PFDN2: variants seen among roughly 807,000 people sequenced by gnomAD.
The protein encoded by PFDN2 is prefoldin 2.
PFDN2 carries 7 observed loss-of-function variants against 18.3 expected under a neutral mutation model. The observed-to-expected ratio is 0.38, with a 90% CI of 0.22 to 0.72. PFDN2 has a LOEUF of 0.72. Ranked by LOEUF, PFDN2 falls within the 30% of genes least tolerant of loss-of-function variation. The probability of loss-of-function intolerance (pLI) is 0.47; values close to 1 mark genes in which losing one functional copy is unlikely to be tolerated. For synonymous variants in PFDN2, 76 were observed against 75.0 expected (o/e 1.01, Z -0.07); for missense variants, 181 against 199.1 (o/e 0.91, Z 0.55).
intron 1 of PFDN2, among the ~76,000 whole-genome samples, chr1:161,108,097 A>T (rs565510877): frequency 7.1e-4 from 106 of 149,626 alleles, no homozygotes; most frequent in Non-Finnish European, 1.4e-3. Context: ...CCTAGGCAAC[A>T]GAGCGAGACT....
chr1:161,104,300 T>C lies in PFDN2; in HGVS notation c.76-1925A>G, dbSNP rs12023365. On this transcript the variant is annotated intron_variant, in intron 1 of 3. Coordinates refer to ENST00000368010, the MANE Select transcript of PFDN2 (RefSeq NM_012394.4). ...GACTCTCCTGGTCATCTGACAACAG[T>C]GGACTCAATCCATTCAAACCATTAC... 9.6e-4 allele frequency among the ~76,000 whole-genome samples: 146 copies of C among 152,238 alleles called. 2 individuals carry two copies. In the East Asian group the frequency reaches 0.025, roughly 26 times the overall value.
intron 1 of PFDN2, among the ~76,000 whole-genome samples, chr1:161,112,457 A>G (rs1323551027): frequency 6.6e-6 from 1 of 152,190 alleles, no homozygotes; most frequent in East Asian, 1.9e-4. Flanking sequence ...GGGTCTCCCT[A>G]TGCTGCTCAG....
intron 1 of PFDN2, among the ~76,000 whole-genome samples, chr1:161,115,327 G>A (rs59486558): frequency 0.023 from 3,536 of 152,306 alleles, 58 homozygotes; most frequent in African/African-American, 0.038. Context: ...GTATCCCAAA[G>A]TGCTGGGATT....
intron 1 of PFDN2, among the ~76,000 whole-genome samples, chr1:161,113,848 G>C (rs973688575): frequency 6.6e-6 from 1 of 152,210 alleles, no homozygotes; most frequent in Non-Finnish European, 1.5e-5. Context: ...TTGTTTGTAA[G>C]GGACATATGT....
intron 1 of PFDN2, among the ~76,000 whole-genome samples, chr1:161,105,651 G>A (rs1290051042): frequency 2.6e-5 from 4 of 152,092 alleles, no homozygotes; most frequent in South Asian, 4.1e-4. Context: ...AGAGATGGGG[G>A]TTCCACCATA....
At chr1:161,106,141 C>A (rs1654672252) in intron 1 of PFDN2, among the ~76,000 whole-genome samples, 1 of 152,092 alleles carries the variant, frequency 6.6e-6, no homozygotes, top group Non-Finnish European at 1.5e-5. Flanking sequence ...ATGACACCTA[C>A]CCCTCTTTAT....
intron 1 of PFDN2, among the ~76,000 whole-genome samples, chr1:161,117,307 C>T (rs529368883): frequency 6.6e-6 from 1 of 152,336 alleles, no homozygotes; most frequent in African/African-American, 2.4e-5. Flanking sequence ...TCCTCCCACT[C>T]CTATTTTTCC....
At chr1:161,111,878 C>A (rs181483291) in intron 1 of PFDN2, among the ~76,000 whole-genome samples, 8 of 152,210 alleles carry the variant, frequency 5.3e-5, no homozygotes, top group African/African-American at 1.7e-4. Context: ...TTGATATATT[C>A]ATATAATCAA....
At chr1:161,105,086 G>C (rs1296264259) in intron 1 of PFDN2, among the ~76,000 whole-genome samples, 7 of 152,034 alleles carry the variant, frequency 4.6e-5, no homozygotes, top group Non-Finnish European at 4.4e-5. Flanking sequence ...GACTAAAGCA[G>C]ATTCTAGATG....
At chr1:161,111,861 T>A (rs1276907492) in intron 1 of PFDN2, among the ~76,000 whole-genome samples, 1 of 152,246 alleles carries the variant, frequency 6.6e-6, no homozygotes, top group Non-Finnish European at 1.5e-5. Context: ...CATGGTATTG[T>A]GATAATTTGA....
rs774335764 is a variant in PFDN2, at chr1:161,117,800, G to A, written c.75+152C>T. On this transcript the variant is annotated intron_variant, in intron 1 of 3. Transcript: ENST00000368010. ...TACCCACCCGTCTACCTCTCCGAAGGGGTTCGGCTAGCTTTTCCGGGGACC... is the reference window on the plus strand; with the variant it reads ...TACCCACCCGTCTACCTCTCCGAAGAGGTTCGGCTAGCTTTTCCGGGGACC... 24 of 681,892 alleles carry A rather than the reference G, an allele frequency of 3.5e-5. No homozygotes were observed. In the Middle Eastern group the frequency reaches 1.3e-3, roughly 36 times the overall value. The allele number at this position is 681,892 out of a possible 1,614,324, so 42.2% of individuals were successfully genotyped here.
intron 1 of PFDN2, among the ~76,000 whole-genome samples, chr1:161,112,056 G>A (rs1291566921): frequency 6.6e-6 from 1 of 152,130 alleles, no homozygotes; most frequent in Admixed American, 6.6e-5. Context: ...ATGGCTTAAC[G>A]TCAGACCATG....
At chr1:161,106,982 T>C (rs1654690060) in intron 1 of PFDN2, among the ~76,000 whole-genome samples, 1 of 151,134 alleles carries the variant, frequency 6.6e-6, no homozygotes, top group Admixed American at 6.6e-5. Flanking sequence ...CTAATTTCTG[T>C]ATTTTTTTGC....
chr1:161,104,702 T>C (rs1030979473), intron 1 of PFDN2, among the ~76,000 whole-genome samples: 1 of 152,104 alleles, frequency 6.6e-6, no homozygotes, highest in South Asian at 2.1e-4. Context: ...GTGCTGGGAT[T>C]ACAGGCATGA....
intron 1 of PFDN2, among the ~76,000 whole-genome samples, chr1:161,107,424 C>CAAA (rs34132641): frequency 5.1e-4 from 35 of 68,250 alleles, no homozygotes; most frequent in East Asian, 9.0e-4. Context: ...GACTCTGTCT[C>CAAA]AAAAAAAAAA....
At chr1:161,109,844 G>A (rs772544485) in intron 1 of PFDN2, among the ~76,000 whole-genome samples, 8 of 152,114 alleles carry the variant, frequency 5.3e-5, no homozygotes, top group Non-Finnish European at 1.0e-4. Context: ...GAGGCCAGGA[G>A]TTCCAGATCA....
chr1:161,101,249 G>A (rs1459183897), intron 3 of PFDN2, among the ~76,000 whole-genome samples: 2 of 151,780 alleles, frequency 1.3e-5, no homozygotes. Context: ...GCCCAGGCTG[G>A]AGTGCAGTGG....
intron 1 of PFDN2, among the ~76,000 whole-genome samples, chr1:161,106,705 T>C (rs912092638): frequency 6.6e-6 from 1 of 152,212 alleles, no homozygotes; most frequent in African/African-American, 2.4e-5. Flanking sequence ...GGTGCAATCA[T>C]GGCTCATTGC....
intron 1 of PFDN2, among the ~76,000 whole-genome samples, chr1:161,111,626 G>A (rs1420854446): frequency 1.3e-5 from 2 of 152,142 alleles, no homozygotes; most frequent in East Asian, 1.9e-4. Flanking sequence ...AACTAACTGA[G>A]ATAATAGGTC....
Sources: allele counts gnomAD v4.1 joint callset (sites outside exome capture counted in the v4.1 genomes callset), GRCh38; gene constraint gnomAD v4.1.1; transcripts MANE v1.5; gene names NCBI Gene and HGNC (gene_info 2026-07-23, HGNC 2026-07-21).